GPHN: variants seen among roughly 807,000 people sequenced by gnomAD.
GPHN encodes the protein gephyrin.
A neutral mutation model predicts 95.5 loss-of-function variants in GPHN; 17 were observed. That is an observed-to-expected ratio of 0.18 (90% CI 0.12 to 0.27). The LOEUF (loss-of-function observed/expected upper bound fraction) is 0.27, where lower values mean the gene tolerates loss of function less well. Ranked by LOEUF, GPHN falls within the 10% of genes least tolerant of loss-of-function variation. The pLI is 1.00. For missense variants in GPHN, 660 were observed against 978.1 expected (o/e 0.67, Z 4.34); for synonymous variants, 320 against 322.5 (o/e 0.99, Z 0.08).
At chr14:67,273,842 T>C in the GPHN span, among the ~76,000 whole-genome samples, 1 of 152,212 alleles carries the variant, frequency 6.6e-6, no homozygotes, top group African/African-American at 2.4e-5. Flanking sequence ...TATCTCATTG[T>C]GGTTTTGTTT....
chr14:66,677,000 C>A (rs1458060297), intron 1 of GPHN, among the ~76,000 whole-genome samples: 1 of 151,892 alleles, frequency 6.6e-6, no homozygotes, highest in Non-Finnish European at 1.5e-5. Context: ...TCTATTTCTT[C>A]CTGATTTAAT....
intron 1 of GPHN, among the ~76,000 whole-genome samples, chr14:66,538,771 A>AT (rs2059233779): frequency 7.9e-6 from 1 of 126,796 alleles, no homozygotes; most frequent in African/African-American, 3.5e-5. Context: ...ATTACAGGTC[A>AT]TTTTTTCTTG....
chr14:67,603,217 A>T, the GPHN span, among the ~76,000 whole-genome samples: 2 of 152,126 alleles, frequency 1.3e-5, no homozygotes, highest in African/African-American at 4.8e-5. Context: ...CTACAGGCAC[A>T]CTCTACCACA....
intron 5 of GPHN, among the ~76,000 whole-genome samples, chr14:66,884,860 TA>T (rs1567059030): frequency 6.7e-6 from 1 of 150,210 alleles, no homozygotes; most frequent in Admixed American, 6.6e-5. Context: ...ATCTAATTCA[TA>T]AAAAGAGAAA....
intron 5 of GPHN, among the ~76,000 whole-genome samples, chr14:66,886,190 A>G (rs1001696130): frequency 2.6e-5 from 4 of 152,204 alleles, no homozygotes; most frequent in African/African-American, 7.2e-5. Context: ...TATCAGTTTA[A>G]TATCATCTTT....
the GPHN span, chr14:67,593,882 T>C: frequency 6.2e-7 from 1 of 1,613,456 alleles, no homozygotes; most frequent in East Asian, 2.2e-5. Flanking sequence ...CTGATCAATC[T>C]TCACAAAATG....
chr14:66,776,661 A>C, intron 3 of GPHN, 140 bp downstream of exon 3: 1 of 688,340 alleles, frequency 1.5e-6, no homozygotes, highest in East Asian at 2.6e-5. Flanking sequence ...TGAATTAAAA[A>C]TTTATATGTA....
chr14:66,824,325 T>A (rs1330735477), intron 3 of GPHN, 149 bp from the exon 4 acceptor site: 3 of 569,650 alleles, frequency 5.3e-6, no homozygotes, highest in Non-Finnish European at 9.6e-6. Context: ...AGAGTGAAAC[T>A]GTTCCATGAA....
intron 2 of GPHN, among the ~76,000 whole-genome samples, chr14:66,726,850 T>A (rs2071287344): frequency 6.6e-6 from 1 of 152,194 alleles, no homozygotes; most frequent in African/African-American, 2.4e-5. Context: ...AATCAAAACT[T>A]TATTTCAAGC....
At chr14:67,681,836 G>A in the GPHN span, among the ~76,000 whole-genome samples, 22 of 152,128 alleles carry the variant, frequency 1.4e-4, no homozygotes, top group Non-Finnish European at 2.5e-4. Flanking sequence ...ACAACTATAA[G>A]ACTATTAGAA....
chr14:67,414,921 C>T, the GPHN span, among the ~76,000 whole-genome samples: 1 of 152,126 alleles, frequency 6.6e-6, no homozygotes, highest in East Asian at 1.9e-4. Flanking sequence ...GTCTTGCAGC[C>T]AGTTAGTGGT....
the GPHN span, chr14:67,374,764 G>C: frequency 2.7e-6 from 1 of 369,378 alleles, no homozygotes; most frequent in Non-Finnish European, 4.9e-6. Flanking sequence ...CATAAAATAC[G>C]GGGTTTTTTT....
At chr14:67,492,165 C>T in the GPHN span, among the ~76,000 whole-genome samples, 2 of 152,318 alleles carry the variant, frequency 1.3e-5, no homozygotes, top group South Asian at 4.1e-4. Context: ...CCACCCAACT[C>T]CATCGCCTTG....
chr14:67,674,002 C>T, the GPHN span, among the ~76,000 whole-genome samples: 1 of 152,196 alleles, frequency 6.6e-6, no homozygotes, highest in Non-Finnish European at 1.5e-5. Flanking sequence ...CTCTGTCAGT[C>T]TGGTGAAAAC....
At chr14:67,685,786 T>G in the GPHN span, among the ~76,000 whole-genome samples, 1 of 151,964 alleles carries the variant, frequency 6.6e-6, no homozygotes, top group East Asian at 1.9e-4. Flanking sequence ...AGGCTAATTT[T>G]TGTATTTTTA....
At chr14:67,541,499 T>C in the GPHN span, among the ~76,000 whole-genome samples, 1 of 152,368 alleles carries the variant, frequency 6.6e-6, no homozygotes. Context: ...AAGTAGCTGT[T>C]TAATGGATAA....
In GPHN at chr14:67,041,263, A is replaced by G. The variant is rs562039840; in HGVS notation, c.1007-17386A>G. On this transcript the variant is annotated intron_variant, in intron 10 of 22. Coordinates refer to ENST00000478722, the MANE Select transcript of GPHN (RefSeq NM_020806.5). ...TTTAAGTTCTGGGGTACATGTGTAG[A>G]AGGTGCACTTTTTTTACATAGGTAT... 1.6e-3 allele frequency among the ~76,000 whole-genome samples: 242 copies of G among 151,782 alleles called. 1 individual carries two copies. The highest frequency in any genetic ancestry group is 5.5e-3 in the Admixed American group (84 of 15,228).
At chr14:67,040,727 T>C (rs1159240214) in intron 10 of GPHN, among the ~76,000 whole-genome samples, 1 of 152,174 alleles carries the variant, frequency 6.6e-6, no homozygotes, top group Non-Finnish European at 1.5e-5. Flanking sequence ...AATTTATATT[T>C]TTCTCAGGTT....
intron 1 of GPHN, among the ~76,000 whole-genome samples, chr14:66,556,696 T>A (rs2140232097): frequency 6.6e-6 from 1 of 152,134 alleles, no homozygotes; most frequent in Admixed American, 6.5e-5. Flanking sequence ...AAGAACTAGT[T>A]TTAAAAATAT....
Sources: gnomAD v4.1 joint callset for allele counts (sites outside exome capture counted in the v4.1 genomes callset) on GRCh38, gnomAD v4.1.1 for gene constraint, MANE v1.5 for transcripts, NCBI Gene and HGNC (gene_info 2026-07-23, HGNC 2026-07-21) for gene names.